Variants in OLFM3 observed in about 807,000 individuals in gnomAD.
OLFM3 encodes noelin-3.
Under a neutral mutation model 48.6 loss-of-function variants are expected in OLFM3, and 20 were observed. The observed-to-expected ratio is 0.41, with a 90% confidence interval of 0.29 to 0.60. OLFM3 has a LOEUF of 0.60. Ranked by LOEUF, OLFM3 falls within the 20% of genes least tolerant of loss-of-function variation. The pLI is 0.28. For missense variants in OLFM3, 437 were observed against 544.3 expected (o/e 0.80, Z 1.96); for synonymous variants, 222 against 198.1 (o/e 1.12, Z -1.01).
chr1:101,936,662 C>G (rs1181810603), intron 1 of OLFM3, among the ~76,000 whole-genome samples: 1 of 152,022 alleles, frequency 6.6e-6, no homozygotes, highest in Non-Finnish European at 1.5e-5. Flanking sequence ...CAATCTTAAG[C>G]AAAAGGAACA....
chr1:101,995,426 T>C (rs911144874), intron 1 of OLFM3, among the ~76,000 whole-genome samples: 2 of 152,152 alleles, frequency 1.3e-5, no homozygotes, highest in African/African-American at 4.8e-5. Flanking sequence ...GTATATAAAA[T>C]ATGCCTTTAA....
chr1:101,856,140 T>C (rs1411915376), intron 1 of OLFM3, among the ~76,000 whole-genome samples: 2 of 151,972 alleles, frequency 1.3e-5, no homozygotes, highest in Non-Finnish European at 2.9e-5. Flanking sequence ...ATCATTGTCC[T>C]CTCATCAATA....
At chr1:101,853,800 T>TAATG (rs1003191950) in intron 1 of OLFM3, among the ~76,000 whole-genome samples, 1 of 152,094 alleles carries the variant, frequency 6.6e-6, no homozygotes, top group African/African-American at 2.4e-5. Context: ...TATACGTGGG[T>TAATG]AATGGATAGT....
chr1:101,852,142 TG>T (rs75327569), intron 1 of OLFM3, among the ~76,000 whole-genome samples: 11,314 of 152,152 alleles, frequency 0.074, 1,046 homozygotes, highest in East Asian at 0.32. Flanking sequence ...CTACTTTAAA[TG>T]CAAACAAACA....
At chr1:101,883,186 G>C (rs1336966262) in intron 1 of OLFM3, among the ~76,000 whole-genome samples, 2 of 151,660 alleles carry the variant, frequency 1.3e-5, no homozygotes, top group African/African-American at 4.8e-5. Context: ...AAGGTAACCA[G>C]TATTACAGTT....
chr1:101,845,100 G>C (rs1474445400), intron 1 of OLFM3, among the ~76,000 whole-genome samples: 1 of 151,944 alleles, frequency 6.6e-6, no homozygotes, highest in Non-Finnish European at 1.5e-5. Flanking sequence ...TTTATTTTCA[G>C]TAGCCATAGT....
intron 1 of OLFM3, among the ~76,000 whole-genome samples, chr1:101,988,064 T>C (rs1204632032): frequency 6.6e-6 from 1 of 152,098 alleles, no homozygotes; most frequent in Non-Finnish European, 1.5e-5. Flanking sequence ...ATGGCTTTTC[T>C]TTATATGGCA....
At position 101,803,731 on chromosome 1, in the gene OLFM3, T is replaced by C. The variant is rs1303396556; in HGVS notation, c.*507A>G. ...GACTGTACAGCACCGCATCAGAGAA[T>C]TGTGTTAACAGCAAAATGATTAATA... is the stretch of plus-strand genomic sequence containing the variant. On this transcript the variant is annotated 3_prime_UTR_variant, in exon 6 of 6. Transcript: ENST00000370103. 2 of 152,506 alleles carry C rather than the reference T, an allele frequency of 1.3e-5. No homozygotes were observed. Among genetic ancestry groups the C allele is most frequent in the Non-Finnish European group, 2.9e-5 (2 of 68,078 alleles). 9.4% of individuals were successfully genotyped at this position (152,506 alleles called of 1,614,324 possible).
chr1:101,823,502 G>A (rs1654706273), intron 4 of OLFM3, among the ~76,000 whole-genome samples: 3 of 151,970 alleles, frequency 2.0e-5, no homozygotes, highest in Non-Finnish European at 1.5e-5. Flanking sequence ...AGGCACACAT[G>A]ACTGGGACTT....
At chr1:101,856,635 A>C (rs1050402960) in intron 1 of OLFM3, among the ~76,000 whole-genome samples, 2 of 151,978 alleles carry the variant, frequency 1.3e-5, no homozygotes, top group African/African-American at 4.8e-5. Context: ...TTTCCAGCTT[A>C]ATTATGTATT....
At position 101,822,420 on chromosome 1, in the gene OLFM3, C is replaced by T. The variant is rs373320681; in HGVS notation, c.592+2606G>A. On this transcript the variant is annotated intron_variant, in intron 4 of 5. Transcript: ENST00000370103. ...GAGTGCATTTGTACTTAGCAGATGC[C>T]GGCTCACTACATGCAATGCCTATGT... is the stretch of plus-strand genomic sequence containing the variant. Among the ~76,000 whole-genome samples the T allele has an allele frequency of 5.5e-4, 84 of 152,122 alleles. 1 individual carries two copies. The South Asian group carries it at 0.017, about 30-fold the overall frequency.
chr1:101,970,110 G>T (rs1660739190), intron 1 of OLFM3, among the ~76,000 whole-genome samples: 1 of 151,846 alleles, frequency 6.6e-6, no homozygotes, highest in African/African-American at 2.4e-5. Flanking sequence ...CCACCTTCTG[G>T]GCTCAAGCAA....
At position 101,896,004 on chromosome 1, in the gene OLFM3, T is replaced by TAAA. The variant is rs542079826; in HGVS notation, c.70-58982_70-58980dup. On this transcript the variant is annotated intron_variant, in intron 1 of 5. Coordinates refer to ENST00000370103, the MANE Select transcript of OLFM3 (RefSeq NM_058170.4). Reference sequence around the variant, plus strand: ...ATAATAATAATAATAATAATAATAATAAAAGTATGCATAGTATTTGCTTAT... The same window carrying TAAA: ...ATAATAATAATAATAATAATAATAATAAAAAAAGTATGCATAGTATTTGCTTAT... 2.3e-3 allele frequency among the ~76,000 whole-genome samples: 323 copies of TAAA among 137,932 alleles called. 2 individuals are homozygous for TAAA. The highest frequency in any genetic ancestry group is 7.5e-3 in the African/African-American group (296 of 39,534). 90.5% of individuals were successfully genotyped at this position (137,932 alleles called of 152,430 possible).
chr1:101,917,998 C>A (rs6577286), intron 1 of OLFM3, among the ~76,000 whole-genome samples: 65,836 of 151,878 alleles, frequency 0.43, 14,358 homozygotes, highest in East Asian at 0.59. Context: ...TTAAAAAAAA[C>A]CACATTTTAT....
rs552065770 is a variant in OLFM3, at chr1:101,804,036, T to C, written c.*202A>G. 42 of 447,914 alleles carry C rather than the reference T, an allele frequency of 9.4e-5. No homozygotes were observed. Among genetic ancestry groups the C allele is most frequent in the Non-Finnish European group, 1.5e-4 (38 of 254,956 alleles). 27.7% of individuals were successfully genotyped at this position (447,914 alleles called of 1,614,324 possible). ...TTCATGACAAGGACATGATAGGCCT[T>C]GTAAATTTAGAAGTTAAGATGTGTT... On this transcript the variant is annotated 3_prime_UTR_variant, in exon 6 of 6. Coordinates refer to ENST00000370103, the MANE Select transcript of OLFM3 (RefSeq NM_058170.4). The surrounding 1 kb of genome is among the most constrained non-coding windows in gnomAD (Gnocchi z 4.5).
intron 1 of OLFM3, among the ~76,000 whole-genome samples, chr1:101,900,440 T>C (rs1271799603): frequency 2.0e-5 from 3 of 152,092 alleles, no homozygotes; most frequent in South Asian, 2.1e-4. Context: ...CCTGAAGCAA[T>C]AGAGATATCA....
At chr1:101,841,917 T>A (rs1008563282) in intron 1 of OLFM3, among the ~76,000 whole-genome samples, 1 of 152,206 alleles carries the variant, frequency 6.6e-6, no homozygotes, top group East Asian at 1.9e-4. Context: ...GAAAAATCCC[T>A]GATAAATTTT....
intron 1 of OLFM3, among the ~76,000 whole-genome samples, chr1:101,903,071 G>A (rs1231289183): frequency 6.6e-6 from 1 of 152,060 alleles, no homozygotes; most frequent in Admixed American, 6.6e-5. Flanking sequence ...AGTACTTCCA[G>A]AATGTGATAA....
intron 1 of OLFM3, among the ~76,000 whole-genome samples, chr1:101,996,540 C>A (rs910528298): frequency 6.6e-6 from 1 of 152,126 alleles, no homozygotes; most frequent in Non-Finnish European, 1.5e-5. Context: ...CCTAGTCCCT[C>A]CCCCCGCGCA....
Sources: allele counts gnomAD v4.1 joint callset (sites outside exome capture counted in the v4.1 genomes callset), GRCh38; gene constraint gnomAD v4.1.1; non-coding constraint Gnocchi (gnomAD v3.1); transcripts MANE v1.5; gene names NCBI Gene and HGNC (gene_info 2026-07-23, HGNC 2026-07-21).